NLGN4X: variants seen among roughly 807,000 people sequenced by gnomAD.
NLGN4X encodes neuroligin 4 X-linked, also known as neuroligin-4, X-linked.
Under a neutral mutation model 40.3 loss-of-function variants are expected in NLGN4X, and 3 were observed. The ratio of observed to expected loss-of-function variants is 0.07; its 90% CI spans 0.03 to 0.19. The LOEUF (loss-of-function observed/expected upper bound fraction) is 0.19. Ranked by LOEUF, NLGN4X falls within the 10% of genes least tolerant of loss-of-function variation. The pLI is 1.00. For synonymous variants in NLGN4X, 270 were observed against 306.8 expected (o/e 0.88, Z 1.25); for missense variants, 382 against 708.3 (o/e 0.54, Z 5.23).
rs1926574758 is a variant in NLGN4X at position 6,228,523 on chromosome X, T to A, written c.-306+18A>T. On this transcript the variant is annotated intron_variant, in intron 1 of 5. Transcript: ENST00000381095. ...ATGAGAATAATGTCCCAGAGACAGGTCTTAAAACTGCACCTACCTTAGCTT... is the reference window on the plus strand; with the variant it reads ...ATGAGAATAATGTCCCAGAGACAGGACTTAAAACTGCACCTACCTTAGCTT... The A allele has an allele frequency of 8.9e-6, 1 of 111,837 alleles. No individual in the cohort carries two copies. The highest frequency in any genetic ancestry group is 1.9e-5 in the Non-Finnish European group (1 of 53,176). 9.2% of individuals were successfully genotyped at this position (111,837 alleles called of 1,213,427 possible).
intron 2 of NLGN4X, among the ~76,000 whole-genome samples, chrX:6,117,155 TTCTC>T (rs1419442060): frequency 2.7e-5 from 3 of 111,008 alleles, no homozygotes; most frequent in African/African-American, 9.9e-5. Flanking sequence ...ACCCTACTCT[TTCTC>T]TCTCCCTTGA....
intron 3 of NLGN4X, among the ~76,000 whole-genome samples, chrX:5,936,588 GA>G (rs778488290): frequency 8.9e-6 from 1 of 111,864 alleles, no homozygotes; most frequent in Non-Finnish European, 1.9e-5. Flanking sequence ...TGTTTTGCAA[GA>G]AAGTTCCCAG....
intron 3 of NLGN4X, among the ~76,000 whole-genome samples, chrX:6,028,542 C>T (rs1355502637): frequency 9.1e-6 from 1 of 109,928 alleles, no homozygotes; most frequent in South Asian, 4.0e-4. Flanking sequence ...GCCTGTAGTC[C>T]CAGCTACTTG....
intron 2 of NLGN4X, among the ~76,000 whole-genome samples, chrX:6,111,986 T>G (rs369963278): frequency 3.0e-4 from 34 of 111,983 alleles, no homozygotes; most frequent in South Asian, 2.2e-3. Flanking sequence ...CATGAACAAA[T>G]ACATTCATAA....
intron 3 of NLGN4X, among the ~76,000 whole-genome samples, chrX:6,007,032 G>A (rs1008003245): frequency 6.3e-5 from 7 of 111,723 alleles, no homozygotes; most frequent in African/African-American, 2.3e-4. Flanking sequence ...CAACAGCAAA[G>A]TCATGAAATC....
chrX:5,989,491 T>G (rs2035622409), intron 3 of NLGN4X, among the ~76,000 whole-genome samples: 1 of 112,394 alleles, frequency 8.9e-6, no homozygotes, highest in Non-Finnish European at 1.9e-5. Flanking sequence ...ATTTCACTAG[T>G]TTTACTTCTT....
At chrX:6,183,490 T>C (rs1279680304) in intron 1 of NLGN4X, among the ~76,000 whole-genome samples, 1 of 109,464 alleles carries the variant, frequency 9.1e-6, no homozygotes. Flanking sequence ...GAGTTTGCAG[T>C]GAGCGGAGAT....
chrX:5,900,617 A>C (rs764557456), intron 5 of NLGN4X, among the ~76,000 whole-genome samples: 2 of 82,418 alleles, frequency 2.4e-5, no homozygotes, highest in Admixed American at 1.7e-4. Context: ...TCTGTCACCC[A>C]GGTTGGAGTG....
intron 2 of NLGN4X, among the ~76,000 whole-genome samples, chrX:6,081,476 A>G (rs1293514696): frequency 8.9e-6 from 1 of 112,209 alleles, no homozygotes; most frequent in Admixed American, 9.4e-5. Context: ...ATGCATGCTG[A>G]AGGTTCTGGC....
chrX:6,053,573 C>T (rs1321807040), intron 2 of NLGN4X, among the ~76,000 whole-genome samples: 2 of 111,296 alleles, frequency 1.8e-5, no homozygotes, highest in African/African-American at 3.3e-5. Context: ...CCTGCATTTA[C>T]GGGCATATGA....
chrX:5,912,126 T>C (rs1371636916), intron 3 of NLGN4X, among the ~76,000 whole-genome samples: 2 of 112,047 alleles, frequency 1.8e-5, no homozygotes, highest in Non-Finnish European at 3.8e-5. Context: ...GTTTATTATG[T>C]AGGTGAACTG....
chrX:6,208,422 C>T (rs1210897171), intron 1 of NLGN4X, among the ~76,000 whole-genome samples: 1 of 112,208 alleles, frequency 8.9e-6, no homozygotes, highest in East Asian at 2.8e-4. Flanking sequence ...TAACTGTCCC[C>T]AAATGTCAAT....
chrX:6,124,283 T>C (rs776634686), intron 2 of NLGN4X, among the ~76,000 whole-genome samples: 88 of 111,735 alleles, frequency 7.9e-4, no homozygotes, highest in African/African-American at 2.7e-3. Context: ...AGTATATCCA[T>C]ATACATTAAA....
intron 2 of NLGN4X, among the ~76,000 whole-genome samples, chrX:6,073,210 G>A (rs2038110909): frequency 9.0e-6 from 1 of 111,559 alleles, no homozygotes; most frequent in Admixed American, 9.6e-5. Flanking sequence ...GTCACCCCCT[G>A]CCTTCTCCAG....
intron 2 of NLGN4X, among the ~76,000 whole-genome samples, chrX:6,127,493 C>T (rs1238939527): frequency 1.8e-5 from 2 of 112,120 alleles, no homozygotes; most frequent in African/African-American, 6.5e-5. Context: ...CCTGTAATCC[C>T]AGCTACTTGG....
At chrX:6,123,698 A>G (rs969653602) in intron 2 of NLGN4X, among the ~76,000 whole-genome samples, 1 of 102,906 alleles carries the variant, frequency 9.7e-6, no homozygotes. Flanking sequence ...TCATTAAAAT[A>G]TAAGTGCAGC....
intron 1 of NLGN4X, among the ~76,000 whole-genome samples, chrX:6,211,265 G>C (rs1188521197): frequency 8.9e-6 from 1 of 111,815 alleles, no homozygotes; most frequent in Non-Finnish European, 1.9e-5. Flanking sequence ...AAGAAAATAA[G>C]CAATGCCCCT....
At chrX:5,907,530 T>C (rs926234496) in intron 4 of NLGN4X, among the ~76,000 whole-genome samples, 2 of 111,779 alleles carry the variant, frequency 1.8e-5, no homozygotes, top group African/African-American at 6.5e-5. Context: ...GCACATCTGG[T>C]TGGGTACGGG....
Position 5,936,710 on chromosome X carries a change from T to G in NLGN4X, c.626-27471A>C, listed in dbSNP as rs1457696862. On this transcript the variant is annotated intron_variant, in intron 3 of 5. Transcript: ENST00000381095. Reference sequence around the variant, plus strand: ...GACGTGATAAAGCTTCTAAAGGAGTTCCCTCGTGTATACAAAACTATTTTA... The same window carrying G: ...GACGTGATAAAGCTTCTAAAGGAGTGCCCTCGTGTATACAAAACTATTTTA... Among the ~76,000 whole-genome samples, 20 of 112,095 alleles carry G rather than the reference T, an allele frequency of 1.8e-4. No homozygotes were observed. The Admixed American group carries it at 1.9e-3, about 11-fold the overall frequency.
Sources: gnomAD v4.1 joint callset for allele counts (sites outside exome capture counted in the v4.1 genomes callset) on GRCh38, gnomAD v4.1.1 for gene constraint, MANE v1.5 for transcripts, NCBI Gene and HGNC (gene_info 2026-07-23, HGNC 2026-07-21) for gene names.